Variants in SEMA3C observed in about 807,000 individuals in gnomAD.
SEMA3C encodes the protein semaphorin-3C.
Under a neutral mutation model 89.4 loss-of-function variants are expected in SEMA3C, and 47 were observed. That is an observed-to-expected ratio of 0.53 (90% CI 0.42 to 0.67). SEMA3C has a LOEUF of 0.67. SEMA3C is among the 30% of genes least tolerant of loss of function. The probability of loss-of-function intolerance (pLI) is 0.00; values close to 1 mark genes in which losing one functional copy is unlikely to be tolerated. For missense variants in SEMA3C, 839 were observed against 929.1 expected (o/e 0.90, Z 1.26); for synonymous variants, 310 against 320.2 (o/e 0.97, Z 0.34).
upstream of SEMA3C, among the ~76,000 whole-genome samples, chr7:80,920,571 C>G (rs1305009116): frequency 2.0e-5 from 3 of 152,050 alleles, no homozygotes; most frequent in South Asian, 2.1e-4. Context: ...CTCAGACTCA[C>G]GCTGCATAGT....
chr7:80,787,343 G>A (rs922179077), intron 12 of SEMA3C, among the ~76,000 whole-genome samples: 2 of 143,758 alleles, frequency 1.4e-5, no homozygotes, highest in Non-Finnish European at 3.0e-5. Context: ...AGTGAGCCGA[G>A]ATCGTGCCAC....
At chr7:80,746,069 C>T (rs374401759) in intron 17 of SEMA3C, among the ~76,000 whole-genome samples, 3 of 151,950 alleles carry the variant, frequency 2.0e-5, no homozygotes, top group East Asian at 1.9e-4. Context: ...GTAGTACTGC[C>T]AATGAATAGA....
intron 2 of SEMA3C, among the ~76,000 whole-genome samples, chr7:80,894,881 T>C (rs1438601078): frequency 6.6e-6 from 1 of 152,176 alleles, no homozygotes; most frequent in Middle Eastern, 3.2e-3. Flanking sequence ...AAGTAATAAG[T>C]ATATCCAAGT....
At chr7:80,814,589 T>G (rs1354864600) in intron 5 of SEMA3C, among the ~76,000 whole-genome samples, 3 of 152,086 alleles carry the variant, frequency 2.0e-5, no homozygotes, top group Non-Finnish European at 4.4e-5. Flanking sequence ...CAGTCTTATA[T>G]TTAACGGCCT....
intron 2 of SEMA3C, among the ~76,000 whole-genome samples, chr7:80,864,788 T>C (rs1790886901): frequency 6.6e-6 from 1 of 152,162 alleles, no homozygotes; most frequent in Non-Finnish European, 1.5e-5. Context: ...TCAATACCTC[T>C]TCTTGATTTT....
chr7:80,913,381 G>A (rs113331912), intron 2 of SEMA3C, among the ~76,000 whole-genome samples: 17,844 of 151,984 alleles, frequency 0.12, 1,884 homozygotes, highest in African/African-American at 0.28. Context: ...AGCCTGGGAG[G>A]CAGAGCGAGA....
At chr7:80,920,432 C>G (rs1792386730), upstream of SEMA3C, among the ~76,000 whole-genome samples, 1 of 152,134 alleles carries the variant, frequency 6.6e-6, no homozygotes, top group South Asian at 2.1e-4. Flanking sequence ...TAGAAAACCC[C>G]TCTGGGGGTG....
intron 2 of SEMA3C, among the ~76,000 whole-genome samples, chr7:80,844,550 T>C (rs1413308886): frequency 6.6e-6 from 1 of 152,156 alleles, no homozygotes; most frequent in East Asian, 1.9e-4. Flanking sequence ...CATGGGTTCC[T>C]AATTAAGATA....
intron 2 of SEMA3C, among the ~76,000 whole-genome samples, chr7:80,899,028 G>A (rs940573061): frequency 5.3e-5 from 8 of 151,968 alleles, no homozygotes; most frequent in African/African-American, 1.9e-4. Flanking sequence ...ACATTCTTAT[G>A]TGCCCTACTT....
chr7:80,771,206 A>T (rs1242936735), intron 12 of SEMA3C, among the ~76,000 whole-genome samples: 2 of 152,318 alleles, frequency 1.3e-5, no homozygotes, highest in African/African-American at 4.8e-5. Flanking sequence ...TTTTAGCTCC[A>T]TCGCTGAGTA....
At chr7:80,842,880 C>T (rs993147551) in intron 2 of SEMA3C, among the ~76,000 whole-genome samples, 20 of 152,114 alleles carry the variant, frequency 1.3e-4, no homozygotes, top group African/African-American at 4.8e-4. Context: ...GACATATAAA[C>T]TGTATTCCCT....
chr7:80,769,579 C>T (rs1297528394), intron 12 of SEMA3C, among the ~76,000 whole-genome samples: 2 of 152,084 alleles, frequency 1.3e-5, no homozygotes, highest in Non-Finnish European at 2.9e-5. Flanking sequence ...ATAATGCAGG[C>T]CGGGCACAGT....
chr7:80,889,152 C>G (rs1164003825), intron 2 of SEMA3C, among the ~76,000 whole-genome samples: 1 of 152,220 alleles, frequency 6.6e-6, no homozygotes, highest in Non-Finnish European at 1.5e-5. Flanking sequence ...CGTAAGCCAC[C>G]ACGCTCGGCC....
chr7:80,864,006 C>CACAT (rs1562912463), intron 2 of SEMA3C, among the ~76,000 whole-genome samples: 22 of 150,682 alleles, frequency 1.5e-4, no homozygotes, highest in African/African-American at 4.9e-4. Flanking sequence ...ACATATATAT[C>CACAT]GCATGTATAT....
chr7:80,754,250 T>C (rs1788004154), intron 15 of SEMA3C, among the ~76,000 whole-genome samples: 2 of 147,104 alleles, frequency 1.4e-5, no homozygotes, highest in South Asian at 4.2e-4. Flanking sequence ...TTACTATAGT[T>C]TTTTTTAAAA....
At position 80,916,760 on chromosome 7, in the gene SEMA3C, C is replaced by G. The variant is rs745820276; in HGVS notation, c.22G>C (p.Val8Leu). The change falls in exon 2 of 18, where the codon GTG (valine) becomes CTG (leucine). Residue 8 changes from valine to leucine, a missense_variant. Transcript: ENST00000265361. Reference sequence around the variant, plus strand: ...GAACAAATAAATACTCCAACCAACACGCAAATTGTCCGGAATGCCATTTCT... The same window carrying G: ...GAACAAATAAATACTCCAACCAACAGGCAAATTGTCCGGAATGCCATTTCT... MAFRTIC[V>L]LVGVFICSIC... is the part of the protein sequence containing the mutation. 9 of 1,613,308 alleles carry G rather than the reference C, an allele frequency of 5.6e-6. No homozygotes were observed. In the African/African-American group the frequency reaches 6.7e-5, roughly 12 times the overall value.
chr7:80,800,199 T>C (rs1434727029), intron 10 of SEMA3C, among the ~76,000 whole-genome samples: 1 of 151,960 alleles, frequency 6.6e-6, no homozygotes, highest in Non-Finnish European at 1.5e-5. Flanking sequence ...GTTCAGTGTT[T>C]TGTCAGGTCC....
Position 80,765,137 on chromosome 7 carries a change from TAGAAG to T in SEMA3C, c.1443+13_1443+17del, listed in dbSNP as rs771924179. 16 of 1,571,718 alleles carry T rather than the reference TAGAAG, an allele frequency of 1.0e-5. No individual in the cohort carries two copies. The highest frequency in any genetic ancestry group is 9.0e-5 in the South Asian group (8 of 89,206). ...CTCATCATGCATGTTCTGAGATTAATAGAAGAGATGTTCAAACCTTAAAGACTTCC... is the reference window on the plus strand; with the variant it reads ...CTCATCATGCATGTTCTGAGATTAATAGATGTTCAAACCTTAAAGACTTCC... On this transcript the variant is annotated intron_variant, in intron 13 of 17. Coordinates refer to ENST00000265361, the MANE Select transcript of SEMA3C (RefSeq NM_006379.5).
At chr7:80,803,053 A>G (rs1234096913) in intron 8 of SEMA3C, among the ~76,000 whole-genome samples, 2 of 152,178 alleles carry the variant, frequency 1.3e-5, no homozygotes, top group East Asian at 3.9e-4. Flanking sequence ...ACGATGTACA[A>G]TGGAAGTATT....
Sources: allele counts gnomAD v4.1 joint callset (sites outside exome capture counted in the v4.1 genomes callset), GRCh38; gene constraint gnomAD v4.1.1; transcripts MANE v1.5; gene names NCBI Gene and HGNC (gene_info 2026-07-23, HGNC 2026-07-21).